The following TMEM164 variants were observed in gnomAD, a reference collection of about 807,000 sequenced individuals.
TMEM164 encodes the protein transmembrane protein 164, also known as RP13-360B22.2.
Under a neutral mutation model 18.8 loss-of-function variants are expected in TMEM164, and 4 were observed. That is an observed-to-expected ratio of 0.21 (90% CI 0.10 to 0.49). The LOEUF (loss-of-function observed/expected upper bound fraction) is 0.49. Ranked by LOEUF, TMEM164 falls within the 20% of genes least tolerant of loss-of-function variation. The probability of loss-of-function intolerance (pLI) is 0.98; values close to 1 mark genes in which losing one functional copy is unlikely to be tolerated. For missense variants in TMEM164, 108 were observed against 239.9 expected (o/e 0.45, Z 3.63); for synonymous variants, 86 against 101.7 (o/e 0.85, Z 0.93).
At chrX:110,045,219 C>T (rs931134267) in intron 2 of TMEM164, among the ~76,000 whole-genome samples, 7 of 111,803 alleles carry the variant, frequency 6.3e-5, no homozygotes, top group Non-Finnish European at 1.1e-4. Flanking sequence ...CTGCCTTACA[C>T]TCTCTTATCC....
At chrX:110,084,417 A>G (rs2147899043) in intron 3 of TMEM164, among the ~76,000 whole-genome samples, 1 of 96,454 alleles carries the variant, frequency 1.0e-5, no homozygotes, top group South Asian at 4.0e-4. Context: ...TATAGTGTAT[A>G]TATATATAGT....
At chrX:110,040,724 T>C (rs1028199720) in intron 2 of TMEM164, among the ~76,000 whole-genome samples, 6 of 111,725 alleles carry the variant, frequency 5.4e-5, no homozygotes, top group Non-Finnish European at 1.1e-4. Flanking sequence ...TCAGCCACCC[T>C]CTGGGGTTAC....
intron 2 of TMEM164, among the ~76,000 whole-genome samples, chrX:110,036,782 G>A (rs1934825744): frequency 8.9e-6 from 1 of 111,996 alleles, no homozygotes; most frequent in Admixed American, 9.5e-5. Context: ...TGTGTATCTG[G>A]TAGAAGTTTA....
intron 3 of TMEM164, among the ~76,000 whole-genome samples, chrX:110,102,337 G>C (rs772222877): frequency 4.5e-5 from 5 of 110,925 alleles, no homozygotes; most frequent in Admixed American, 9.6e-5. Context: ...GGGTGACAGA[G>C]TGAGACTGTG....
chrX:110,137,485 C>T (rs779549454), intron 4 of TMEM164, among the ~76,000 whole-genome samples: 4 of 112,346 alleles, frequency 3.6e-5, no homozygotes, highest in South Asian at 3.7e-4. Flanking sequence ...TCTCTTCTCT[C>T]GCTGTGTCTG....
intron 2 of TMEM164, chrX:110,065,552 T>TA (rs1390458640): frequency 9.0e-6 from 1 of 111,363 alleles, no homozygotes; most frequent in African/African-American, 3.3e-5. Context: ...GGATCAAGGG[T>TA]AAAAAATATT....
intron 2 of TMEM164, among the ~76,000 whole-genome samples, chrX:110,066,746 GT>G (rs1439191037): frequency 9.0e-6 from 1 of 111,605 alleles, no homozygotes; most frequent in African/African-American, 3.3e-5. Flanking sequence ...TTTTTGTTTG[GT>G]TTTACCTGGG....
intron 3 of TMEM164, among the ~76,000 whole-genome samples, chrX:110,090,872 T>C (rs1406545142): frequency 6.4e-5 from 6 of 94,439 alleles, no homozygotes; most frequent in East Asian, 3.8e-4. Context: ...CCCCACCCCA[T>C]GACAGGCCCG....
At chrX:110,135,745 CTG>C (rs1184013822) in intron 4 of TMEM164, among the ~76,000 whole-genome samples, 37 of 111,888 alleles carry the variant, frequency 3.3e-4, no homozygotes, top group African/African-American at 1.2e-3. Flanking sequence ...TGAACAATGA[CTG>C]TACATCCTCC....
At chrX:110,037,077 A>G (rs1224497000) in intron 2 of TMEM164, among the ~76,000 whole-genome samples, 5 of 110,523 alleles carry the variant, frequency 4.5e-5, no homozygotes, top group Admixed American at 9.7e-5. Flanking sequence ...GTTTTCTGGA[A>G]TTTTGGAGAG....
intron 2 of TMEM164, among the ~76,000 whole-genome samples, chrX:110,036,087 GTAA>G (rs779584715): frequency 2.7e-5 from 3 of 111,564 alleles, no homozygotes; most frequent in Non-Finnish European, 5.6e-5. Context: ...AAGTTAATGT[GTAA>G]TTCTTTGTTA....
In TMEM164 at chrX:110,017,444, T is replaced by TTCTTTC. The variant is rs1182465665; in HGVS notation, c.390+13283_390+13284insTTCTCT. ...TTTCTTTCTTTCTTTCTTTCTTTCT[T>TTCTTTC]TCTCTCTCTCTCTCTCTCTTTCTTT... On this transcript the variant is annotated intron_variant, in intron 2 of 6. Transcript: ENST00000372068. Among the ~76,000 whole-genome samples, 41 of 43,024 alleles carry TTCTTTC rather than the reference T, an allele frequency of 9.5e-4. 1 individual carries two copies. The highest frequency in any genetic ancestry group is 2.4e-3 in the African/African-American group (28 of 11,881). 37.4% of individuals were successfully genotyped at this position (43,024 alleles called of 115,157 possible).
intron 4 of TMEM164, among the ~76,000 whole-genome samples, chrX:110,135,367 G>A (rs2066675512): frequency 9.0e-6 from 1 of 111,522 alleles, no homozygotes; most frequent in Non-Finnish European, 1.9e-5. Flanking sequence ...TTTGATGACT[G>A]TCTTACTGAT....
chrX:110,091,483 T>C (rs1454094864), intron 3 of TMEM164, among the ~76,000 whole-genome samples: 1 of 112,476 alleles, frequency 8.9e-6, no homozygotes, highest in Non-Finnish European at 1.9e-5. Context: ...TTTTCATGTG[T>C]CTTTTGGCTA....
intron 4 of TMEM164, among the ~76,000 whole-genome samples, chrX:110,128,400 A>T (rs2066565107): frequency 8.9e-6 from 1 of 112,667 alleles, no homozygotes; most frequent in South Asian, 3.6e-4. Flanking sequence ...TGCTTTGAAA[A>T]GTCAGTGGTC....
At chrX:110,009,356 C>G (rs1425333414) in intron 2 of TMEM164, among the ~76,000 whole-genome samples, 1 of 112,434 alleles carries the variant, frequency 8.9e-6, no homozygotes, top group Non-Finnish European at 1.9e-5. Flanking sequence ...TTGTCCTTTC[C>G]CAGCCGTCTG....
intron 3 of TMEM164, among the ~76,000 whole-genome samples, chrX:110,085,297 A>G (rs2065835056): frequency 1.0e-5 from 1 of 99,101 alleles, no homozygotes; most frequent in Non-Finnish European, 2.0e-5. Flanking sequence ...AATAGCTGGG[A>G]CTACAGGAAA....
At chrX:110,127,265 C>G (rs1052957755) in intron 4 of TMEM164, among the ~76,000 whole-genome samples, 2 of 111,545 alleles carry the variant, frequency 1.8e-5, no homozygotes, top group African/African-American at 6.5e-5. Context: ...GTAATCCCAG[C>G]ACTTTGAGAG....
At chrX:110,087,905 T>G (rs889688748) in intron 3 of TMEM164, among the ~76,000 whole-genome samples, 7 of 111,056 alleles carry the variant, frequency 6.3e-5, no homozygotes, top group African/African-American at 2.0e-4. Flanking sequence ...GAGCAGGAGG[T>G]GCATTGCTGG....
Sources: allele counts gnomAD v4.1 joint callset (sites outside exome capture counted in the v4.1 genomes callset), GRCh38; gene constraint gnomAD v4.1.1; transcripts MANE v1.5; gene names NCBI Gene and HGNC (gene_info 2026-07-23, HGNC 2026-07-21).